The following PTPRG variants were observed in gnomAD, a reference collection of about 807,000 sequenced individuals.
PTPRG encodes the protein receptor-type tyrosine-protein phosphatase gamma.
PTPRG carries 102 observed loss-of-function variants against 165.3 expected under a neutral mutation model. That is an observed-to-expected ratio of 0.62 (90% CI 0.53 to 0.73). The LOEUF (loss-of-function observed/expected upper bound fraction) is 0.73. Ranked by LOEUF, PTPRG falls within the 30% of genes least tolerant of loss-of-function variation. The probability of loss-of-function intolerance (pLI) is 0.00; values close to 1 mark genes in which losing one functional copy is unlikely to be tolerated. For synonymous variants in PTPRG, 675 were observed against 669.5 expected (o/e 1.01, Z -0.13); for missense variants, 1,866 against 1,861.4 (o/e 1.00, Z -0.05).
At chr3:62,145,222 G>A (rs1704076040) in intron 6 of PTPRG, among the ~76,000 whole-genome samples, 1 of 152,030 alleles carries the variant, frequency 6.6e-6, no homozygotes, top group Admixed American at 6.5e-5. Context: ...ACCTCTTTGT[G>A]GCTCAGTTTT....
In PTPRG at chr3:62,064,632, A is replaced by C. The variant is rs115667399; in HGVS notation, c.520-13531A>C. ...TATGCAGCACTTGTGGCAAAGTATT[A>C]ATATTGTGAATAAAGAGCTCCTTAA... On this transcript the variant is annotated intron_variant, in intron 4 of 29. Transcript: ENST00000474889. Among the ~76,000 whole-genome samples the C allele has an allele frequency of 3.2e-3, 485 of 152,058 alleles. 1 individual carries two copies. The highest frequency in any genetic ancestry group is 0.011 in the African/African-American group (468 of 41,474).
At chr3:61,728,414 G>A (rs1023167969) in intron 1 of PTPRG, among the ~76,000 whole-genome samples, 5 of 151,976 alleles carry the variant, frequency 3.3e-5, no homozygotes, top group African/African-American at 9.7e-5. Context: ...AGACCCCTTC[G>A]CTACAAAAAA....
intron 4 of PTPRG, among the ~76,000 whole-genome samples, chr3:62,027,464 G>T (rs1210566029): frequency 1.3e-5 from 2 of 152,084 alleles, no homozygotes; most frequent in African/African-American, 4.8e-5. Flanking sequence ...GCATAAATCA[G>T]CTCCTCACAT....
At chr3:62,180,905 A>C (rs1320933005) in intron 8 of PTPRG, among the ~76,000 whole-genome samples, 1 of 152,168 alleles carries the variant, frequency 6.6e-6, no homozygotes, top group Non-Finnish European at 1.5e-5. Flanking sequence ...GCTTTCCCAG[A>C]TACTGCCTAT....
intron 5 of PTPRG, among the ~76,000 whole-genome samples, chr3:62,113,348 T>C (rs1240804569): frequency 6.6e-6 from 1 of 152,172 alleles, no homozygotes; most frequent in East Asian, 1.9e-4. Flanking sequence ...AGCACCACTC[T>C]AGTTCCTGCC....
At chr3:61,810,601 A>G (rs1361878670) in intron 2 of PTPRG, among the ~76,000 whole-genome samples, 2 of 152,154 alleles carry the variant, frequency 1.3e-5, no homozygotes, top group Non-Finnish European at 2.9e-5. Context: ...CAGCTAGAAG[A>G]CAAGTTCCCA....
At position 62,116,057 on chromosome 3, in the gene PTPRG, T is replaced by C. The variant is rs372520796; in HGVS notation, c.616-16545T>C. The stretch of plus-strand genomic sequence containing the variant: ...AGAGGTTTATTGTCAGTGTTGTCTT[T>C]ATTGTCAGTTGTTGTCAGAGTTTGG... On this transcript the variant is annotated intron_variant, in intron 5 of 29. Coordinates refer to ENST00000474889, the MANE Select transcript of PTPRG (RefSeq NM_002841.4). Among the ~76,000 whole-genome samples the C allele has an allele frequency of 3.9e-5, 6 of 152,288 alleles. No homozygotes were observed. The East Asian group carries it at 1.2e-3, about 29-fold the overall frequency.
intron 2 of PTPRG, among the ~76,000 whole-genome samples, chr3:61,836,306 C>T (rs899116946): frequency 1.3e-5 from 2 of 152,108 alleles, no homozygotes; most frequent in Non-Finnish European, 1.5e-5. Flanking sequence ...TTCATGTACC[C>T]CTCACCTTCC....
chr3:61,845,511 A>G (rs1041567822), intron 2 of PTPRG, among the ~76,000 whole-genome samples: 5 of 152,176 alleles, frequency 3.3e-5, no homozygotes, highest in Non-Finnish European at 5.9e-5. Flanking sequence ...TTGAAAACCC[A>G]TGATGCTGTT....
intron 2 of PTPRG, among the ~76,000 whole-genome samples, chr3:61,931,492 C>T (rs2039359799): frequency 6.6e-6 from 1 of 152,168 alleles, no homozygotes; most frequent in African/African-American, 2.4e-5. Flanking sequence ...ACCCGTGCTG[C>T]CTCCGGAGCT....
intron 12 of PTPRG, among the ~76,000 whole-genome samples, chr3:62,206,563 GC>G (rs995597388): frequency 2.0e-5 from 3 of 152,058 alleles, no homozygotes; most frequent in African/African-American, 7.2e-5. Flanking sequence ...CTGTGAGGAG[GC>G]CCCCCACAGC....
chr3:62,231,251 G>C lies in PTPRG; in HGVS notation c.2315G>C (p.Gly772Ala), dbSNP rs1187878006. ...GGGTGTAACAAAATAAAGTCCAAGG[G>C]CTTTCCCAGACGTTTCCGTGAAGTG... ...WRGCNKIKSKGFPRRFREVPS... is the reference protein window; with the variant it reads ...WRGCNKIKSKAFPRRFREVPS... Residue 772 changes from glycine to alanine, a missense_variant, in exon 14 of 30, where the codon GGC (glycine) becomes GCC (alanine). Gly to Ala is a moderately conservative substitution (Grantham distance 60, BLOSUM62 0). Transcript: ENST00000474889. 6.3e-7 allele frequency: 1 copy of C among 1,590,780 alleles called. No homozygotes were observed. Among genetic ancestry groups the C allele is most frequent in the African/African-American group, 1.4e-5 (1 of 73,824 alleles).
intron 3 of PTPRG, among the ~76,000 whole-genome samples, chr3:62,000,175 G>A (rs2041135939): frequency 6.6e-6 from 1 of 151,640 alleles, no homozygotes; most frequent in Admixed American, 6.6e-5. Context: ...TGGCTACTCA[G>A]GACACTGAGG....
Position 61,592,645 on chromosome 3 carries a change from CTTTCTTTT to C in PTPRG, c.85+30277_85+30284del, listed in dbSNP as rs1280362691. Among the ~76,000 whole-genome samples the C allele has an allele frequency of 8.0e-4, 113 of 140,918 alleles. 2 individuals carry two copies. The highest frequency in any genetic ancestry group is 2.6e-3 in the African/African-American group (95 of 36,120). 92.4% of individuals were successfully genotyped at this position (140,918 alleles called of 152,430 possible). A position where few individuals can be genotyped will look rare whatever the true frequency, so the allele number is the denominator to read the frequency against. On this transcript the variant is annotated intron_variant, in intron 1 of 29. Transcript: ENST00000474889. ...TCTCTCTCTTTTTCTTTCTTTCTTT[CTTTCTTTT>C]TTTTTTTTTTTAAGAAAGGGGGTGA... is the stretch of plus-strand genomic sequence containing the variant.
chr3:62,002,013 C>T (rs2041182511), intron 3 of PTPRG, among the ~76,000 whole-genome samples: 1 of 152,194 alleles, frequency 6.6e-6, no homozygotes, highest in South Asian at 2.1e-4. Flanking sequence ...GCACAAGAAA[C>T]ACTTACTTTT....
At chr3:61,581,590 C>G (rs1195641128) in intron 1 of PTPRG, among the ~76,000 whole-genome samples, 1 of 146,390 alleles carries the variant, frequency 6.8e-6, no homozygotes, top group Non-Finnish European at 1.5e-5. Flanking sequence ...TGAGAGAACC[C>G]ATGGTTGCTT....
chr3:61,589,352 A>C (rs905649994), intron 1 of PTPRG, among the ~76,000 whole-genome samples: 1 of 152,186 alleles, frequency 6.6e-6, no homozygotes, highest in South Asian at 2.1e-4. Flanking sequence ...TCACTTGTTG[A>C]ATGATATGTT....
At chr3:62,031,703 T>C (rs1444149013) in intron 4 of PTPRG, among the ~76,000 whole-genome samples, 1 of 152,030 alleles carries the variant, frequency 6.6e-6, no homozygotes, top group Non-Finnish European at 1.5e-5. Flanking sequence ...CTAGATCTGA[T>C]TGGAGGCAGG....
At chr3:62,244,018 A>C in intron 15 of PTPRG, 120 bp downstream of exon 15, 1 of 607,610 alleles carries the variant, frequency 1.6e-6, no homozygotes, top group Non-Finnish European at 2.8e-6. Context: ...AGTATAAGAA[A>C]TTCTCTTTAG....
Sources: allele counts gnomAD v4.1 joint callset (sites outside exome capture counted in the v4.1 genomes callset), GRCh38; gene constraint gnomAD v4.1.1; transcripts MANE v1.5; gene names NCBI Gene and HGNC (gene_info 2026-07-23, HGNC 2026-07-21).